Variants in DCAF10 observed in about 807,000 individuals in gnomAD.
DCAF10 encodes the protein DDB1- and CUL4-associated factor 10.
Under a neutral mutation model 51.9 loss-of-function variants are expected in DCAF10, and 19 were observed. The observed-to-expected ratio is 0.37, with a 90% CI of 0.26 to 0.54. The LOEUF is 0.54. DCAF10 is among the 20% of genes least tolerant of loss of function. The pLI, the probability that DCAF10 is intolerant of heterozygous loss-of-function variation, is 0.87. For missense variants in DCAF10, 510 were observed against 730.6 expected, an observed-to-expected ratio of 0.70 and a Z score of 3.48; for synonymous variants, 291 against 297.1, an observed-to-expected ratio of 0.98 and a Z score of 0.21.
chr9:37,812,535 A>G (rs948887132), intron 1 of DCAF10, among the ~76,000 whole-genome samples: 2 of 152,244 alleles, frequency 1.3e-5, no homozygotes, highest in Non-Finnish European at 2.9e-5. Context: ...AGGTAACAAA[A>G]TTATTCTTTA....
intron 5 of DCAF10, among the ~76,000 whole-genome samples, chr9:37,858,015 A>AT (rs1721629575): frequency 6.6e-6 from 1 of 151,946 alleles, no homozygotes; most frequent in Admixed American, 6.6e-5. Context: ...TGAACTGAGT[A>AT]TTAAGAGCCA....
Position 37,865,946 on chromosome 9 carries a change from A to G in DCAF10, c.*4438A>G, listed in dbSNP as rs7859075. Reference sequence around the variant, plus strand: ...AAGTGCAATATAGGGAAAACACTCTAAGAATCTTTTAAAAGCCTAGTGTTT... The same window carrying G: ...AAGTGCAATATAGGGAAAACACTCTGAGAATCTTTTAAAAGCCTAGTGTTT... On this transcript the variant is annotated 3_prime_UTR_variant, in exon 7 of 7. Coordinates refer to ENST00000377724, the MANE Select transcript of DCAF10 (RefSeq NM_024345.5). The G allele has an allele frequency of 0.19, 29,303 of 152,600 alleles. 3,224 individuals carry two copies. The highest frequency in any genetic ancestry group is 0.29 in the African/African-American group (12,177 of 41,486). The allele number at this position is 152,600 out of a possible 1,614,324, so 9.5% of individuals were successfully genotyped here. A position where few individuals can be genotyped will look rare whatever the true frequency, so the allele number is the denominator to read the frequency against.
At position 37,866,456 on chromosome 9, in the gene DCAF10, G is replaced by A. The variant is rs894387639; in HGVS notation, c.*4948G>A. ...ACAGAATCATTTGCCTCAGACTGCT[G>A]TTGGATTTTAAAATTTTTAAAATAT... On this transcript the variant is annotated 3_prime_UTR_variant, in exon 7 of 7. Transcript: ENST00000377724. 22 of 152,256 alleles carry A rather than the reference G, an allele frequency of 1.4e-4. No individual in the cohort carries two copies. Among genetic ancestry groups the A allele is most frequent in the African/African-American group, 5.1e-4 (21 of 41,434 alleles). The allele number at this position is 152,256 out of a possible 1,614,324, so 9.4% of individuals were successfully genotyped here. A position where few individuals can be genotyped will look rare whatever the true frequency, so the allele number is the denominator to read the frequency against.
At chr9:37,852,933 T>TAC (rs1830714677) in intron 3 of DCAF10, among the ~76,000 whole-genome samples, 1 of 36,782 alleles carries the variant, frequency 2.7e-5, no homozygotes, top group African/African-American at 6.0e-5. Flanking sequence ...TGTGAGGTTA[T>TAC]ATATATATAT....
chr9:37,851,978 GA>G (rs1830664909), intron 3 of DCAF10, among the ~76,000 whole-genome samples: 1 of 152,024 alleles, frequency 6.6e-6, no homozygotes, highest in South Asian at 2.1e-4. Flanking sequence ...AAATCAGTGA[GA>G]GGCAATATTG....
chr9:37,861,196 C>G lies in DCAF10; in HGVS notation c.1368C>G (p.Arg456=). The change falls in exon 7 of 7, where the codon CGC becomes CGG. Residue 456 remains arginine, a synonymous_variant. Transcript: ENST00000377724. The surrounding 1 kb of genome is among the most constrained non-coding windows in gnomAD (Gnocchi z 4.9). The stretch of plus-strand genomic sequence containing the variant: ...CTCCAGTGCGACCTGTCTCACCTCG[C>G]TGTTCTCTACGACTGACTCATTACA... ...EGAPVRPVSP[R]CSLRLTHYIE... The G allele has an allele frequency of 6.2e-7, 1 of 1,611,432 alleles. No homozygotes were observed. The highest frequency in any genetic ancestry group is 1.1e-5 in the South Asian group (1 of 91,060).
intron 1 of DCAF10, among the ~76,000 whole-genome samples, chr9:37,810,327 C>T (rs527374765): frequency 5.9e-4 from 90 of 152,218 alleles, no homozygotes; most frequent in Non-Finnish European, 1.1e-3. Flanking sequence ...GAAGAAATTG[C>T]AGGGTCAAGT....
At chr9:37,822,336 A>G (rs1034768507) in intron 2 of DCAF10, among the ~76,000 whole-genome samples, 2 of 148,032 alleles carry the variant, frequency 1.4e-5, no homozygotes, top group South Asian at 2.1e-4. Flanking sequence ...TAGCAGCACA[A>G]TTCACAATAG....
chr9:37,853,338 G>A (rs547836689), intron 3 of DCAF10, among the ~76,000 whole-genome samples: 29 of 148,292 alleles, frequency 2.0e-4, no homozygotes, highest in African/African-American at 7.0e-4. Flanking sequence ...GCTTGAACCC[G>A]AGAGGCAGAG....
In DCAF10 at chr9:37,824,567, T is replaced by A. The variant is rs1476875379; in HGVS notation, c.653+5166T>A. 1.0e-4 allele frequency among the ~76,000 whole-genome samples: 15 copies of A among 149,894 alleles called. No individual in the cohort carries two copies. The South Asian group carries it at 2.1e-3, about 21-fold the overall frequency. ...AGTTTAAAAAAGTAAAAAAAAAAAA[T>A]TTAAATGAAGAAAAGGGATGATAAA... On this transcript the variant is annotated intron_variant, in intron 2 of 6. Transcript: ENST00000377724.
intron 2 of DCAF10, 100 bp downstream of exon 2, chr9:37,819,501 C>T: frequency 1.4e-6 from 1 of 711,594 alleles, no homozygotes; most frequent in Non-Finnish European, 2.3e-6. Context: ...TTATCCAGCA[C>T]TGCTAGATGA....
intron 5 of DCAF10, among the ~76,000 whole-genome samples, chr9:37,859,826 T>G (rs1830960538): frequency 6.6e-6 from 1 of 152,272 alleles, no homozygotes; most frequent in South Asian, 2.1e-4. Context: ...CTGTGGGAAC[T>G]TGGATCTTTT....
rs894626671 is a variant in DCAF10, at chr9:37,861,626, T to C, written c.*118T>C. The C allele has an allele frequency of 7.1e-6, 10 of 1,416,268 alleles. No individual in the cohort carries two copies. The African/African-American group carries it at 1.3e-4, about 18-fold the overall frequency. The allele number at this position is 1,416,268 out of a possible 1,614,324, so 87.7% of individuals were successfully genotyped here. On this transcript the variant is annotated 3_prime_UTR_variant, in exon 7 of 7. Coordinates refer to ENST00000377724, the MANE Select transcript of DCAF10 (RefSeq NM_024345.5). The surrounding 1 kb of genome is among the most constrained non-coding windows in gnomAD (Gnocchi z 4.9). The stretch of plus-strand genomic sequence containing the variant: ...AAGTTTGGGTCAAGATCCTGGTTCT[T>C]ATGGGTCCATGAACACACTTGTGAC...
intron 1 of DCAF10, among the ~76,000 whole-genome samples, chr9:37,810,223 G>A (rs939170640): frequency 2.6e-5 from 4 of 152,026 alleles, no homozygotes; most frequent in African/African-American, 7.2e-5. Flanking sequence ...ACTTCCAACT[G>A]AGAATAATCA....
chr9:37,861,782 T>C lies in DCAF10; in HGVS notation c.*274T>C. ...CTCCAGTTCTTCTGGTCATTTTGCA[T>C]GGTAGCTCTTGTCACGTTCCTTCCT... On this transcript the variant is annotated 3_prime_UTR_variant, in exon 7 of 7. Transcript: ENST00000377724. The surrounding 1 kb of genome is among the most constrained non-coding windows in gnomAD (Gnocchi z 4.9). 1 of 335,364 alleles carries C rather than the reference T, an allele frequency of 3.0e-6. No individual in the cohort carries two copies. 20.8% of individuals were successfully genotyped at this position (335,364 alleles called of 1,614,324 possible).
chr9:37,851,854 A>G (rs1387555397), intron 3 of DCAF10, among the ~76,000 whole-genome samples: 2 of 146,644 alleles, frequency 1.4e-5, no homozygotes, highest in Non-Finnish European at 3.0e-5. Context: ...AGAATATAAT[A>G]TGAAAAAGAT....
At position 37,814,301 on chromosome 9, in the gene DCAF10, C is replaced by CT. The variant is rs61692599; in HGVS notation, c.540-4966dup. 5.4e-3 allele frequency among the ~76,000 whole-genome samples: 550 copies of CT among 101,002 alleles called. 9 individuals are homozygous for CT. The highest frequency in any genetic ancestry group is 6.4e-3 in the Non-Finnish European group (324 of 50,700). The allele number at this position is 101,002 out of a possible 152,430, so 66.3% of individuals were successfully genotyped here. ...TTACAGGCATGTGCCACCACGCCGG[C>CT]TTTTTTTTTTTTTTTTTTTTTGTAT... is the stretch of plus-strand genomic sequence containing the variant. On this transcript the variant is annotated intron_variant, in intron 1 of 6. Transcript: ENST00000377724.
intron 1 of DCAF10, among the ~76,000 whole-genome samples, chr9:37,807,000 TTAAG>T (rs1222305629): frequency 6.6e-6 from 1 of 152,222 alleles, no homozygotes; most frequent in Middle Eastern, 3.2e-3. Flanking sequence ...TTTAATATAA[TTAAG>T]TATATCAATA....
chr9:37,802,663 C>T (rs1828992404), intron 1 of DCAF10, among the ~76,000 whole-genome samples: 1 of 152,100 alleles, frequency 6.6e-6, no homozygotes, highest in Non-Finnish European at 1.5e-5. Context: ...TATTCCATTT[C>T]AATGATGGAA....
Sources: allele counts gnomAD v4.1 joint callset (sites outside exome capture counted in the v4.1 genomes callset), GRCh38; gene constraint gnomAD v4.1.1; non-coding constraint Gnocchi (gnomAD v3.1); transcripts MANE v1.5; gene names NCBI Gene and HGNC (gene_info 2026-07-23, HGNC 2026-07-21).